The following GTF2IRD1 variants were observed in gnomAD, a reference collection of about 807,000 sequenced individuals.
GTF2IRD1 encodes GTF2I repeat domain containing 1.
GTF2IRD1 carries 26 observed loss-of-function variants against 113.2 expected under a neutral mutation model. That is an observed-to-expected ratio of 0.23 (90% CI 0.17 to 0.32). The LOEUF is 0.32. Ranked by LOEUF, GTF2IRD1 falls within the 10% of genes least tolerant of loss-of-function variation. GTF2IRD1 has a pLI of 1.00. For synonymous variants in GTF2IRD1, 484 were observed against 529.1 expected (o/e 0.91, Z 1.17); for missense variants, 864 against 1,280.8 (o/e 0.67, Z 4.97).
chr7:74,485,125 G>GA (rs148771405), intron 1 of GTF2IRD1, among the ~76,000 whole-genome samples: 4,304 of 152,226 alleles, frequency 0.028, 205 homozygotes, highest in African/African-American at 0.097. Flanking sequence ...TAGGGTGCAG[G>GA]AAAGAGGCTT....
chr7:74,520,571 G>T (rs781936530), intron 6 of GTF2IRD1, among the ~76,000 whole-genome samples: 1 of 151,986 alleles, frequency 6.6e-6, no homozygotes, highest in African/African-American at 2.4e-5. Flanking sequence ...AAGCTTTGGG[G>T]ATGGGACCCG....
intron 19 of GTF2IRD1, among the ~76,000 whole-genome samples, chr7:74,556,079 G>A (rs587747913): frequency 5.9e-5 from 9 of 152,034 alleles, no homozygotes; most frequent in East Asian, 5.9e-4. Context: ...GTGAAACCCC[G>A]TGTCTACCAA....
intron 19 of GTF2IRD1, 69 bp from the exon 20 acceptor site, chr7:74,557,570 C>T: frequency 2.9e-6 from 3 of 1,039,814 alleles, no homozygotes; most frequent in Non-Finnish European, 4.4e-6. Flanking sequence ...AGAAAATCAT[C>T]TTCCTTAAAA....
chr7:74,601,397 G>T, intron 26 of GTF2IRD1: 1 of 1,497,982 alleles, frequency 6.7e-7, no homozygotes, highest in Non-Finnish European at 8.9e-7. Flanking sequence ...ACTCAGGCAG[G>T]AATTCACATC....
chr7:74,536,316 C>G, intron 11 of GTF2IRD1, 41 bp downstream of exon 11: 2 of 1,241,306 alleles, frequency 1.6e-6, no homozygotes, highest in Non-Finnish European at 2.4e-6. Context: ...GCGGCCAGCC[C>G]TGCTCTGGGC....
At chr7:74,578,590 C>A (rs1281856342) in intron 22 of GTF2IRD1, among the ~76,000 whole-genome samples, 1 of 152,072 alleles carries the variant, frequency 6.6e-6, no homozygotes, top group African/African-American at 2.4e-5. Flanking sequence ...CTTCTTAGTT[C>A]TCATGGCTCT....
At chr7:74,582,083 G>A (rs1562890145) in intron 22 of GTF2IRD1, among the ~76,000 whole-genome samples, 1 of 152,176 alleles carries the variant, frequency 6.6e-6, no homozygotes, top group Non-Finnish European at 1.5e-5. Flanking sequence ...CTCCCTCAGG[G>A]CTAACCAGGG....
At chr7:74,523,997 G>A (rs1554346606) in intron 7 of GTF2IRD1, 74 bp from the exon 8 acceptor site, 3 of 1,054,610 alleles carry the variant, frequency 2.8e-6, no homozygotes, top group Non-Finnish European at 4.4e-6. Flanking sequence ...TGAAAGCCCG[G>A]TGGTCATGGC....
chr7:74,534,891 A>G (rs1002762069), intron 9 of GTF2IRD1, among the ~76,000 whole-genome samples: 1 of 152,124 alleles, frequency 6.6e-6, no homozygotes, highest in Non-Finnish European at 1.5e-5. Flanking sequence ...CGACAAAGTG[A>G]GACTCTGTCT....
intron 5 of GTF2IRD1, 124 bp from the exon 6 acceptor site, chr7:74,519,285 G>C: frequency 1.6e-6 from 1 of 629,210 alleles, no homozygotes; most frequent in Non-Finnish European, 2.7e-6. Context: ...AGCAGCTCCT[G>C]TCCTGCCCTC....
chr7:74,547,682 G>A (rs1434625380), intron 17 of GTF2IRD1, among the ~76,000 whole-genome samples: 2 of 151,438 alleles, frequency 1.3e-5, no homozygotes, highest in East Asian at 1.9e-4. Context: ...CAAGTGATCC[G>A]GCCACCTCAG....
chr7:74,512,768 G>T lies in GTF2IRD1; in HGVS notation c.124-62G>T. 9 of 1,534,026 alleles carry T rather than the reference G, an allele frequency of 5.9e-6. No homozygotes were observed. In the South Asian group the frequency reaches 1.0e-4, roughly 18 times the overall value. ...GAGCTCACATCCCACCCCCGAAGTG[G>T]ATACTAGAGGTGTTCGGAGTATGGG... is the stretch of plus-strand genomic sequence containing the variant. On this transcript the variant is annotated intron_variant, in intron 2 of 26. Transcript: ENST00000424337. The surrounding 1 kb of genome is among the most constrained non-coding windows in gnomAD (Gnocchi z 4.4).
At chr7:74,585,417 C>T (rs1365796175) in intron 22 of GTF2IRD1, among the ~76,000 whole-genome samples, 3 of 152,104 alleles carry the variant, frequency 2.0e-5, no homozygotes, top group African/African-American at 7.2e-5. Context: ...CCGGTCTGGG[C>T]CTCGTCTTTG....
intron 22 of GTF2IRD1, among the ~76,000 whole-genome samples, chr7:74,583,641 C>T (rs1554366885): frequency 6.6e-6 from 1 of 152,052 alleles, no homozygotes; most frequent in Admixed American, 6.6e-5. Context: ...TTCTGGTCCA[C>T]CGCCTGGGAC....
chr7:74,457,796 A>G (rs1793083123), intron 1 of GTF2IRD1, among the ~76,000 whole-genome samples: 1 of 152,036 alleles, frequency 6.6e-6, no homozygotes, highest in Non-Finnish European at 1.5e-5. Flanking sequence ...ACACCCATGG[A>G]AGAAGACCTG....
At chr7:74,483,018 C>G (rs1554334942) in intron 1 of GTF2IRD1, among the ~76,000 whole-genome samples, 2 of 152,166 alleles carry the variant, frequency 1.3e-5, no homozygotes, top group African/African-American at 2.4e-5. Flanking sequence ...AAAGAATTTG[C>G]AATCAGCGTA....
At chr7:74,469,221 A>G (rs1377691914) in intron 1 of GTF2IRD1, among the ~76,000 whole-genome samples, 4 of 152,014 alleles carry the variant, frequency 2.6e-5, no homozygotes, top group African/African-American at 9.7e-5. Flanking sequence ...TTCAGGGTTC[A>G]GTGATGTCTC....
intron 25 of GTF2IRD1, among the ~76,000 whole-genome samples, chr7:74,596,297 T>C (rs587611912): frequency 1 from 151,746 of 152,004 alleles, 75,748 homozygotes; most frequent in East Asian, 1. Flanking sequence ...CCTGTCTCTA[T>C]TAAAAATACA....
intron 14 of GTF2IRD1, among the ~76,000 whole-genome samples, chr7:74,543,706 C>T (rs587756172): frequency 2.1e-4 from 32 of 151,696 alleles, no homozygotes; most frequent in African/African-American, 7.7e-4. Context: ...TCGAGACCAG[C>T]TTGGACAACA....
Sources: gnomAD v4.1 joint callset for allele counts (sites outside exome capture counted in the v4.1 genomes callset) on GRCh38, gnomAD v4.1.1 for gene constraint, Gnocchi (gnomAD v3.1) non-coding constraint, MANE v1.5 for transcripts, NCBI Gene and HGNC (gene_info 2026-07-23, HGNC 2026-07-21) for gene names.